The following GNAO1 variants were observed in gnomAD, a reference collection of about 807,000 sequenced individuals.
The protein encoded by GNAO1 is G protein subunit alpha o1.
For missense variants in GNAO1, 166 were observed against 478.7 expected, an observed-to-expected ratio of 0.35 and a Z score of 6.10; for synonymous variants, 164 against 180.7, an observed-to-expected ratio of 0.91 and a Z score of 0.74.
chr16:56,347,862 G>C (rs866627782), intron 6 of GNAO1: 44 of 981,580 alleles, frequency 4.5e-5, no homozygotes, highest in Middle Eastern at 5.2e-4. Flanking sequence ...CTGCCTCCTG[G>C]TCTTCTCTAC....
intron 2 of GNAO1, among the ~76,000 whole-genome samples, chr16:56,257,902 G>A (rs1249573768): frequency 3.3e-5 from 5 of 152,038 alleles, no homozygotes; most frequent in African/African-American, 1.2e-4. Flanking sequence ...CCTAGCCCAC[G>A]GCAGGCAGCC....
Position 56,221,668 on chromosome 16 carries a change from A to C in GNAO1, c.161+29052A>C, listed in dbSNP as rs995413392. On this transcript the variant is annotated intron_variant, in intron 2 of 8. Coordinates refer to ENST00000262493, the MANE Select transcript of GNAO1 (RefSeq NM_020988.3). Reference sequence around the variant, plus strand: ...CTGCATCTCAAAAAAAAAAAAAAAAAAAAAAACATGGGACCAGATGATGCA... The same window carrying C: ...CTGCATCTCAAAAAAAAAAAAAAAACAAAAAACATGGGACCAGATGATGCA... 5.3e-5 allele frequency among the ~76,000 whole-genome samples: 8 copies of C among 151,932 alleles called. No individual in the cohort carries two copies. The East Asian group carries it at 1.2e-3, about 22-fold the overall frequency.
At chr16:56,260,621 G>A (rs922974228) in intron 2 of GNAO1, among the ~76,000 whole-genome samples, 4 of 152,126 alleles carry the variant, frequency 2.6e-5, no homozygotes, top group Admixed American at 6.5e-5. Context: ...TTTGGCTTTG[G>A]CATCCAGAAC....
chr16:56,277,891 C>T (rs1235581286), intron 3 of GNAO1, among the ~76,000 whole-genome samples: 3 of 151,960 alleles, frequency 2.0e-5, no homozygotes, highest in Non-Finnish European at 4.4e-5. Flanking sequence ...CCAGCCAGCT[C>T]TTCCTAAAAA....
intron 2 of GNAO1, among the ~76,000 whole-genome samples, chr16:56,200,971 A>G (rs1383553317): frequency 6.6e-6 from 1 of 152,190 alleles, no homozygotes; most frequent in African/African-American, 2.4e-5. Context: ...GAAAGACAGG[A>G]TGGTAGGGGA....
intron 2 of GNAO1, among the ~76,000 whole-genome samples, chr16:56,265,522 G>A (rs776255400): frequency 2.6e-5 from 4 of 152,342 alleles, no homozygotes; most frequent in Middle Eastern, 3.4e-3. Flanking sequence ...AATAATACTC[G>A]TGCGGACTCC....
chr16:56,196,352 C>T (rs1285992355), intron 2 of GNAO1, among the ~76,000 whole-genome samples: 17 of 152,032 alleles, frequency 1.1e-4, no homozygotes, highest in Admixed American at 6.6e-5. Flanking sequence ...TGTGATACAG[C>T]CTCATCATTT....
chr16:56,267,281 T>C (rs1363891849), intron 2 of GNAO1, among the ~76,000 whole-genome samples: 1 of 152,142 alleles, frequency 6.6e-6, no homozygotes, highest in Non-Finnish European at 1.5e-5. Flanking sequence ...TTGGTGACAT[T>C]TCCCCCATTG....
At chr16:56,212,143 T>G (rs2036395079) in intron 2 of GNAO1, among the ~76,000 whole-genome samples, 1 of 152,214 alleles carries the variant, frequency 6.6e-6, no homozygotes, top group African/African-American at 2.4e-5. Context: ...GTTTAAAAAA[T>G]GTAAATGTTC....
At chr16:56,249,254 A>C (rs1302718750) in intron 2 of GNAO1, among the ~76,000 whole-genome samples, 1 of 152,200 alleles carries the variant, frequency 6.6e-6, no homozygotes, top group African/African-American at 2.4e-5. Flanking sequence ...GGGGGGGAAC[A>C]AGTTTGGGCA....
In GNAO1 at chr16:56,336,825, G is replaced by A. The variant is rs2037744620; in HGVS notation, c.688G>A (p.Gly230Ser). 6.2e-7 allele frequency: 1 copy of A among 1,613,328 alleles called. No homozygotes were observed. The highest frequency in any genetic ancestry group is 8.5e-7 in the Non-Finnish European group (1 of 1,179,950). Residue 230 changes from glycine (G) to serine (S), a missense_variant, in exon 6 of 9, where the codon GGC becomes AGC. Coordinates refer to ENST00000262493, the MANE Select transcript of GNAO1 (RefSeq NM_020988.3). ...CATCATTTTCTGTGTCGCGCTCAGC[G>A]GCTATGACCAGGTGCTCCACGAAGA... ...TAIIFCVALS[G>S]YDQVLHEDET...
Position 56,200,021 on chromosome 16 carries a change from A to G in GNAO1, c.161+7405A>G, listed in dbSNP as rs140165848. 1.2e-4 allele frequency among the ~76,000 whole-genome samples: 19 copies of G among 152,324 alleles called. No homozygotes were observed. In the East Asian group the frequency reaches 3.5e-3, roughly 28 times the overall value. The stretch of plus-strand genomic sequence containing the variant: ...ACATAAGACTAGGATTTCATAGCTA[A>G]CAATTTACCTTGGATTCTCTGCCTG... On this transcript the variant is annotated intron_variant, in intron 2 of 8. Transcript: ENST00000262493.
At position 56,296,958 on chromosome 16, in the gene GNAO1, C is replaced by T. The variant is rs569465507; in HGVS notation, c.303+20886C>T. Among the ~76,000 whole-genome samples the T allele has an allele frequency of 3.3e-5, 5 of 152,218 alleles. No individual in the cohort carries two copies. In the South Asian group the frequency reaches 8.3e-4, roughly 25 times the overall value. Reference sequence around the variant, plus strand: ...GAGATGGTGGGGCCCCACTTCAAAGCGTCTCCCTCATGCCTAAAATCTCCC... The same window carrying T: ...GAGATGGTGGGGCCCCACTTCAAAGTGTCTCCCTCATGCCTAAAATCTCCC... On this transcript the variant is annotated intron_variant, in intron 3 of 8. Coordinates refer to ENST00000262493, the MANE Select transcript of GNAO1 (RefSeq NM_020988.3).
intron 4 of GNAO1, among the ~76,000 whole-genome samples, chr16:56,330,977 G>C (rs2037683276): frequency 2.0e-5 from 3 of 152,348 alleles, no homozygotes; most frequent in African/African-American, 7.2e-5. Flanking sequence ...GCCAGGGCCG[G>C]AAGGGCCTGG....
chr16:56,201,966 G>A (rs933653068), intron 2 of GNAO1, among the ~76,000 whole-genome samples: 33 of 152,274 alleles, frequency 2.2e-4, no homozygotes, highest in African/African-American at 7.2e-4. Context: ...TTTGAGTGGC[G>A]AGAGCCATAG....
At chr16:56,193,358 G>GC (rs1312864075) in intron 2 of GNAO1, 2 of 152,956 alleles carry the variant, frequency 1.3e-5, no homozygotes, top group African/African-American at 2.4e-5. Flanking sequence ...GCCCCTTGCT[G>GC]CCCCCAGCTC....
intron 3 of GNAO1, among the ~76,000 whole-genome samples, chr16:56,316,099 C>G: frequency 6.6e-6 from 1 of 152,056 alleles, no homozygotes; most frequent in East Asian, 1.9e-4. Flanking sequence ...TCCTGCGTTT[C>G]CTCTCCCCGG....
At chr16:56,284,418 TG>T (rs1437803589) in intron 3 of GNAO1, among the ~76,000 whole-genome samples, 36 of 152,346 alleles carry the variant, frequency 2.4e-4, no homozygotes, top group African/African-American at 7.9e-4. Flanking sequence ...ACCCGGCTAC[TG>T]GTACTTTGGC....
intron 3 of GNAO1, among the ~76,000 whole-genome samples, chr16:56,294,207 A>T (rs1255354824): frequency 6.6e-6 from 1 of 152,162 alleles, no homozygotes; most frequent in East Asian, 1.9e-4. Flanking sequence ...CACTGCAGGC[A>T]GGCCCCGTCG....
Sources: allele counts gnomAD v4.1 joint callset (sites outside exome capture counted in the v4.1 genomes callset), GRCh38; gene constraint gnomAD v4.1.1; transcripts MANE v1.5; gene names NCBI Gene and HGNC (gene_info 2026-07-23, HGNC 2026-07-21).